The following ZNF469 variants were observed in gnomAD, a reference collection of about 807,000 sequenced individuals.
The protein encoded by ZNF469 is zinc finger protein 469.
A neutral mutation model predicts 1.0 loss-of-function variants in ZNF469; 1 was observed. The ratio of observed to expected loss-of-function variants is 1.00; its 90% CI spans 0.35 to 4.73. The LOEUF is 4.73. Ranked by LOEUF, ZNF469 falls within the 30% of genes most tolerant of loss-of-function variation. The pLI is 0.16. For missense variants in ZNF469, 6,100 were observed against 5,356.3 expected (o/e 1.14, Z -4.33); for synonymous variants, 2,703 against 2,363.4 (o/e 1.14, Z -4.17).
chr16:88,186,930 G>A, the ZNF469 span, among the ~76,000 whole-genome samples: 3 of 151,976 alleles, frequency 2.0e-5, no homozygotes, highest in Non-Finnish European at 4.4e-5. Flanking sequence ...CACTGGACCC[G>A]GGACGCTCAA....
At chr16:88,237,936 C>T in the ZNF469 span, among the ~76,000 whole-genome samples, 2 of 152,224 alleles carry the variant, frequency 1.3e-5, no homozygotes, top group African/African-American at 4.8e-5. Context: ...CCAGCCTTCT[C>T]CAATGGGCTT....
At chr16:88,117,259 C>G in the ZNF469 span, among the ~76,000 whole-genome samples, 5 of 151,066 alleles carry the variant, frequency 3.3e-5, no homozygotes, top group Admixed American at 2.6e-4. Flanking sequence ...GAGCCGGGGA[C>G]GTGTGAGAGC....
intron 1 of ZNF469, among the ~76,000 whole-genome samples, chr16:88,411,896 G>A (rs1302962647): frequency 6.6e-6 from 1 of 152,194 alleles, no homozygotes; most frequent in East Asian, 1.9e-4. Flanking sequence ...GGCCTCACAG[G>A]GCCCCCACCA....
At chr16:88,398,403 C>G (rs916273907) in intron 1 of ZNF469, among the ~76,000 whole-genome samples, 61 of 123,216 alleles carry the variant, frequency 5.0e-4, no homozygotes, top group African/African-American at 1.9e-3. Context: ...GACATGTGAG[C>G]CACAGATGAA....
the ZNF469 span, among the ~76,000 whole-genome samples, chr16:88,105,991 G>C: frequency 1.3e-5 from 2 of 152,228 alleles, no homozygotes; most frequent in African/African-American, 4.8e-5. Context: ...GTCTTGGCAC[G>C]GGCCCAGTAA....
chr16:88,299,518 A>C, the ZNF469 span, among the ~76,000 whole-genome samples: 1 of 152,158 alleles, frequency 6.6e-6, no homozygotes, highest in Non-Finnish European at 1.5e-5. Flanking sequence ...AGCTTTGATG[A>C]TCTAACAAGG....
the ZNF469 span, among the ~76,000 whole-genome samples, chr16:88,230,971 G>A: frequency 6.6e-6 from 1 of 152,136 alleles, no homozygotes; most frequent in South Asian, 2.1e-4. Flanking sequence ...TCTGGCGAAG[G>A]GACCCAGGAC....
the ZNF469 span, among the ~76,000 whole-genome samples, chr16:88,358,518 C>T: frequency 6.6e-6 from 1 of 152,076 alleles, no homozygotes; most frequent in African/African-American, 2.4e-5. Context: ...TCCCTAGAGG[C>T]AGCCACCAGC....
the ZNF469 span, among the ~76,000 whole-genome samples, chr16:88,164,994 C>T: frequency 0.82 from 125,460 of 152,194 alleles, 52,161 homozygotes; most frequent in African/African-American, 0.86. Context: ...ATCGTGGGCT[C>T]GTGTGTCTTT....
the ZNF469 span, among the ~76,000 whole-genome samples, chr16:88,269,954 C>G: frequency 6.6e-6 from 1 of 152,192 alleles, no homozygotes; most frequent in Admixed American, 6.5e-5. Context: ...TCCTTTAGAG[C>G]AGAGTGTTTT....
intron 2 of ZNF469, among the ~76,000 whole-genome samples, 104 bp from the exon 3 acceptor site, chr16:88,427,241 T>C (rs1905750157): frequency 6.6e-6 from 1 of 152,200 alleles, no homozygotes. Context: ...CAGCCTCTTC[T>C]GCTTCTGGCC....
the ZNF469 span, chr16:88,177,261 AC>A: frequency 6.6e-6 from 1 of 152,154 alleles, no homozygotes; most frequent in African/African-American, 2.4e-5. The surrounding 1 kb of genome is among the most constrained non-coding windows in gnomAD (Gnocchi z 4.8). Context: ...CGCGGGCCTG[AC>A]TTTCACTACG....
the ZNF469 span, among the ~76,000 whole-genome samples, chr16:88,307,410 A>G: frequency 2.0e-5 from 3 of 152,196 alleles, no homozygotes; most frequent in Non-Finnish European, 2.9e-5. Context: ...TTCCAAGAGG[A>G]CTGGCCAAAC....
chr16:88,361,838 C>A, the ZNF469 span, among the ~76,000 whole-genome samples: 4 of 152,144 alleles, frequency 2.6e-5, no homozygotes, highest in African/African-American at 9.7e-5. Context: ...ATCGGTTTAG[C>A]CTTTAGGTCT....
chr16:88,241,489 G>T, the ZNF469 span, among the ~76,000 whole-genome samples: 3 of 152,266 alleles, frequency 2.0e-5, no homozygotes, highest in East Asian at 5.8e-4. This position sits in a 1 kb window ranked among gnomAD's most constrained non-coding sequence, Gnocchi z 4.8. Context: ...GCTCTCACTG[G>T]GGTGGGCTCA....
chr16:88,429,673 C>G lies in ZNF469; in HGVS notation c.2203C>G (p.Gln735Glu). ...DQLDVLLTCR[Q>E]CDRNYSSLAA... ...GCTGGACGTGCTGCTGACCTGCAGG[C>G]AGTGTGACCGCAACTACAGCAGCCT... Residue 735 changes from glutamine (Q) to glutamate (E), a missense_variant, in exon 3 of 3, where the codon CAG becomes GAG. Physicochemically the swap from Gln to Glu is conservative, Grantham distance 29. Transcript: ENST00000565624. The G allele has an allele frequency of 6.5e-7, 1 of 1,541,916 alleles. No homozygotes were observed. Among genetic ancestry groups the G allele is most frequent in the Non-Finnish European group, 8.8e-7 (1 of 1,141,450 alleles).
the ZNF469 span, among the ~76,000 whole-genome samples, chr16:88,103,150 C>T: frequency 2.6e-5 from 4 of 151,878 alleles, no homozygotes; most frequent in Non-Finnish European, 4.4e-5. Context: ...CCCCTCCCCC[C>T]TCCCCTGGGT....
chr16:88,104,943 C>T, the ZNF469 span, among the ~76,000 whole-genome samples: 1 of 152,200 alleles, frequency 6.6e-6, no homozygotes, highest in Non-Finnish European at 1.5e-5. Context: ...CCAGGTGCAG[C>T]AGTGGCTCAT....
chr16:88,370,627 C>A, the ZNF469 span, among the ~76,000 whole-genome samples: 1 of 152,178 alleles, frequency 6.6e-6, no homozygotes. Context: ...AGGGCCCACT[C>A]CTGAGTCCTG....
Sources: allele counts gnomAD v4.1 joint callset (sites outside exome capture counted in the v4.1 genomes callset), GRCh38; gene constraint gnomAD v4.1.1; non-coding constraint Gnocchi (gnomAD v3.1); transcripts MANE v1.5; gene names NCBI Gene and HGNC (gene_info 2026-07-23, HGNC 2026-07-21).